Variants in ZNF638 observed in about 807,000 individuals in gnomAD.
The protein encoded by ZNF638 is CTCL tumor antigen se33-1.
In ZNF638, 46 loss-of-function variants were observed where a neutral mutation model predicts 195.6. The observed-to-expected ratio is 0.24, with a 90% CI of 0.19 to 0.30. ZNF638 has a LOEUF of 0.30. ZNF638 is among the 10% of genes least tolerant of loss of function. ZNF638 has a pLI of 1.00. For missense variants in ZNF638, 2,440 were observed against 2,325.3 expected, an observed-to-expected ratio of 1.05 and a Z score of -1.01; for synonymous variants, 845 against 772.0, an observed-to-expected ratio of 1.09 and a Z score of -1.57.
chr2:71,392,809 T>A (rs1372130421), intron 10 of ZNF638, among the ~76,000 whole-genome samples: 6 of 152,274 alleles, frequency 3.9e-5, no homozygotes, highest in South Asian at 2.1e-4. Flanking sequence ...GAACAGGTGT[T>A]AACCTTAGAG....
rs951031817 is a variant in ZNF638 at position 71,385,489 on chromosome 2, A to C, written c.2377+4924A>C. 1.4e-4 allele frequency among the ~76,000 whole-genome samples: 8 copies of C among 56,978 alleles called. No individual in the cohort carries two copies. The Admixed American group carries it at 1.8e-3, about 13-fold the overall frequency. 37.4% of individuals were successfully genotyped at this position (56,978 alleles called of 152,430 possible). On this transcript the variant is annotated intron_variant, in intron 10 of 27. Transcript: ENST00000264447. ...TACAGAGAGAGAACAGATTAGTGAT[A>C]GTCAGGGTTGGTGGGAGGGAGGTGG...
chr2:71,358,578 T>C (rs999008491), intron 3 of ZNF638, among the ~76,000 whole-genome samples: 3 of 152,216 alleles, frequency 2.0e-5, no homozygotes, highest in Non-Finnish European at 2.9e-5. Context: ...TAAGGGTTCT[T>C]TCGTTACACA....
rs761618234 is a variant in ZNF638 at position 71,423,782 on chromosome 2, G to C, written c.4268G>C (p.Arg1423Thr). The C allele has an allele frequency of 1.2e-6, 2 of 1,613,908 alleles. No homozygotes were observed. Among genetic ancestry groups the C allele is most frequent in the African/African-American group, 1.3e-5 (1 of 74,912 alleles). Reference sequence around the variant, plus strand: ...AAAAGTTTTCCAAAATCTGTGCCCAGAGATCAAATAAATGCTGAAAAGAAA... The same window carrying C: ...AAAAGTTTTCCAAAATCTGTGCCCACAGATCAAATAAATGCTGAAAAGAAA... The part of the protein sequence containing the change: ...NQKSFPKSVP[R>T]DQINAEKKLS... The change falls in exon 22 of 28, where the codon AGA (arginine) becomes ACA (threonine). Residue 1423 changes from arginine (R) to threonine (T), a missense_variant. Physicochemically the swap from Arg to Thr is moderately conservative, Grantham distance 71. Transcript: ENST00000264447.
chr2:71,432,817 G>A (rs1383433467), intron 26 of ZNF638, among the ~76,000 whole-genome samples: 2 of 152,204 alleles, frequency 1.3e-5, no homozygotes, highest in African/African-American at 4.8e-5. Flanking sequence ...GCCAGTTGTG[G>A]CTCACACGTG....
intron 10 of ZNF638, among the ~76,000 whole-genome samples, chr2:71,392,587 C>T (rs2079804944): frequency 6.6e-6 from 1 of 152,114 alleles, no homozygotes; most frequent in South Asian, 2.1e-4. Context: ...CACACATATT[C>T]GAGCACACAG....
At chr2:71,401,510 A>G (rs771540526) in intron 15 of ZNF638, among the ~76,000 whole-genome samples, 6 of 152,164 alleles carry the variant, frequency 3.9e-5, no homozygotes, top group Non-Finnish European at 7.4e-5. Context: ...TGGCGACAGT[A>G]TATGAAAGGA....
intron 10 of ZNF638, among the ~76,000 whole-genome samples, chr2:71,386,862 T>TTTCTTTTC: frequency 6.6e-6 from 1 of 152,112 alleles, no homozygotes; most frequent in Non-Finnish European, 1.5e-5. Context: ...TTTTTCTTTT[T>TTTCTTTTC]TTCTTTTCTT....
chr2:71,392,604 G>T (rs770631119), intron 10 of ZNF638, among the ~76,000 whole-genome samples: 1 of 152,114 alleles, frequency 6.6e-6, no homozygotes, highest in African/African-American at 2.4e-5. Flanking sequence ...ACAGCTCACT[G>T]CCTTGCCCAC....
At chr2:71,368,941 T>G (rs549864608) in intron 7 of ZNF638, among the ~76,000 whole-genome samples, 1 of 152,354 alleles carries the variant, frequency 6.6e-6, no homozygotes, top group East Asian at 1.9e-4. Context: ...AACAAATTAT[T>G]TCCTTTGTAT....
chr2:71,336,411 A>G (rs1248922602), intron 1 of ZNF638, among the ~76,000 whole-genome samples: 5 of 148,298 alleles, frequency 3.4e-5, no homozygotes, highest in Non-Finnish European at 3.0e-5. Flanking sequence ...CCAAAAAAAC[A>G]CAAGTGCTTG....
chr2:71,361,889 A>C (rs1172022888), intron 3 of ZNF638, among the ~76,000 whole-genome samples: 1 of 152,206 alleles, frequency 6.6e-6, no homozygotes, highest in East Asian at 1.9e-4. Flanking sequence ...TAGCTCATTA[A>C]CAATGTCTGA....
chr2:71,395,486 C>T lies in ZNF638; in HGVS notation c.2378-655C>T, dbSNP rs144265536. On this transcript the variant is annotated intron_variant, in intron 10 of 27. Transcript: ENST00000264447. The stretch of plus-strand genomic sequence containing the variant: ...AGGCAGCTAAATTCTCTTACCCTGA[C>T]GCTAAGGGCAAGAAGTAGGTAACAA... 3,287 of 601,026 alleles carry T rather than the reference C, an allele frequency of 5.5e-3. 52 individuals are homozygous for T. The highest frequency in any genetic ancestry group is 0.042 in the African/African-American group (2,271 of 54,014). The allele number at this position is 601,026 out of a possible 1,614,324, so 37.2% of individuals were successfully genotyped here.
At chr2:71,333,766 A>C (rs1470946895) in intron 1 of ZNF638, among the ~76,000 whole-genome samples, 2 of 152,094 alleles carry the variant, frequency 1.3e-5, no homozygotes, top group East Asian at 3.9e-4. Flanking sequence ...TTGTTTCCTT[A>C]TCTCTAAAAT....
intron 10 of ZNF638, 75 bp downstream of exon 10, chr2:71,380,640 A>G (rs1309914913): frequency 1.6e-6 from 2 of 1,258,210 alleles, no homozygotes; most frequent in Non-Finnish European, 2.3e-6. Context: ...TGATGATGCT[A>G]TGAAGACACT....
In ZNF638 at chr2:71,369,891, A is replaced by G; in HGVS notation, c.2151A>G (p.Leu717=). ...AATAAATTTCATTTTAGGCTTACCT[A>G]GAAATGGAATTTAAAGAGGCAATTA... is the stretch of plus-strand genomic sequence containing the variant. ...LIVPYRKEAY[L]EMEFKEAITA... Residue 717 remains leucine, a synonymous_variant, in exon 8 of 28, where the codon CTA becomes CTG. Transcript: ENST00000264447. 1 of 1,578,388 alleles carries G rather than the reference A, an allele frequency of 6.3e-7. No homozygotes were observed. The highest frequency in any genetic ancestry group is 8.6e-7 in the Non-Finnish European group (1 of 1,168,874).
intron 1 of ZNF638, among the ~76,000 whole-genome samples, chr2:71,332,144 C>T (rs960338993): frequency 3.3e-5 from 5 of 152,218 alleles, no homozygotes; most frequent in Non-Finnish European, 7.3e-5. Context: ...AAGGACCCTG[C>T]CTCGAGAAGA....
At chr2:71,373,735 G>A (rs1288849426) in intron 8 of ZNF638, among the ~76,000 whole-genome samples, 1 of 151,794 alleles carries the variant, frequency 6.6e-6, no homozygotes, top group Admixed American at 6.6e-5. Context: ...ATGTTTTTAT[G>A]TACTCAAATT....
intron 26 of ZNF638, among the ~76,000 whole-genome samples, chr2:71,432,200 T>G (rs2080680027): frequency 6.6e-6 from 1 of 152,142 alleles, no homozygotes; most frequent in African/African-American, 2.4e-5. Context: ...AGAGGTTTAT[T>G]TTTATTATAT....
At chr2:71,377,176 G>A (rs572193208) in intron 8 of ZNF638, among the ~76,000 whole-genome samples, 1 of 152,154 alleles carries the variant, frequency 6.6e-6, no homozygotes, top group Non-Finnish European at 1.5e-5. Context: ...GCGGTGGGAG[G>A]ATCGCTTGAG....
Sources: allele counts gnomAD v4.1 joint callset (sites outside exome capture counted in the v4.1 genomes callset), GRCh38; gene constraint gnomAD v4.1.1; transcripts MANE v1.5; gene names NCBI Gene and HGNC (gene_info 2026-07-23, HGNC 2026-07-21).